Variants in PRPF3 observed in about 807,000 individuals in gnomAD.
The protein encoded by PRPF3 is pre-mRNA processing factor 3.
PRPF3 carries 3 observed loss-of-function variants against 89.2 expected under a neutral mutation model. That is an observed-to-expected ratio of 0.03 (90% confidence interval 0.02 to 0.09). The LOEUF (loss-of-function observed/expected upper bound fraction) is 0.09, where lower values mean the gene tolerates loss of function less well. Among genes scored for constraint, PRPF3 ranks in the 10% least tolerant of loss-of-function variants. PRPF3 has a pLI of 1.00. For missense variants in PRPF3, 463 were observed against 828.8 expected (o/e 0.56, Z 5.42); for synonymous variants, 270 against 289.1 (o/e 0.93, Z 0.67).
At chr1:150,344,710 C>G (rs587773562) in intron 12 of PRPF3, among the ~76,000 whole-genome samples, 163 bp downstream of exon 12, 2 of 151,758 alleles carry the variant, frequency 1.3e-5, no homozygotes, top group East Asian at 3.8e-4. Context: ...TGTAAAATAG[C>G]GAGAGTTAAT....
intron 7 of PRPF3, among the ~76,000 whole-genome samples, chr1:150,336,840 A>G (rs1657058192): frequency 6.6e-6 from 1 of 151,806 alleles, no homozygotes; most frequent in Non-Finnish European, 1.5e-5. Flanking sequence ...CATAAGTGGA[A>G]ATATTATGAA....
chr1:150,349,240 A>G (rs1202724774), intron 15 of PRPF3, 22 bp downstream of exon 15: 2 of 1,598,830 alleles, frequency 1.3e-6, no homozygotes, highest in Non-Finnish European at 1.7e-6. Flanking sequence ...TTTGTAAAAC[A>G]TTGTAAAACT....
intron 9 of PRPF3, among the ~76,000 whole-genome samples, chr1:150,342,617 G>A (rs587671736): frequency 6.6e-6 from 1 of 152,028 alleles, no homozygotes; most frequent in East Asian, 1.9e-4. Context: ...CCACCTCCCG[G>A]ATTCAAGTGA....
chr1:150,344,490 A>T lies in PRPF3; in HGVS notation c.1583A>T (p.Lys528Met). 1.2e-6 allele frequency: 2 copies of T among 1,614,220 alleles called. No individual in the cohort carries two copies. The highest frequency in any genetic ancestry group is 1.7e-6 in the Non-Finnish European group (2 of 1,180,036). Residue 528 changes from lysine (K) to methionine (M), a missense_variant, in exon 12 of 16, where the codon AAG becomes ATG. By Grantham distance (95) the Lys-to-Met change is moderately conservative. Transcript: ENST00000324862. ...CTCACAGCAGAACAGAGAAAGGTCA[A>T]GAAAATTAAAAAGCTTAAAGAAGAC... ...RKLTAEQRKV[K>M]KIKKLKEDIS...
At position 150,353,001 on chromosome 1, in the gene PRPF3, CTCCTCCCTTGCCTT is replaced by C; in HGVS notation, c.*24_*37del. 6.2e-7 allele frequency: 1 copy of C among 1,613,708 alleles called. No individual in the cohort carries two copies. ...TTGAGACTACTGCAAGCCCTTGCCT[CTCCTCCCTTGCCTT>C]TGTCTCTTCAGTCCTCTCACTTATT... On this transcript the variant is annotated 3_prime_UTR_variant, in exon 16 of 16. Transcript: ENST00000324862.
chr1:150,341,789 A>G (rs1317375390), intron 9 of PRPF3, among the ~76,000 whole-genome samples: 1 of 144,484 alleles, frequency 6.9e-6, no homozygotes, highest in Admixed American at 7.0e-5. Flanking sequence ...TGCAACTTTC[A>G]CCCCCCTGGG....
chr1:150,347,880 C>T (rs1157490735), intron 14 of PRPF3, among the ~76,000 whole-genome samples: 1 of 152,148 alleles, frequency 6.6e-6, no homozygotes, highest in East Asian at 1.9e-4. Context: ...GAGTATTTTA[C>T]TGCATATTGC....
At chr1:150,328,592 A>G (rs1378104705) in intron 4 of PRPF3, 126 bp downstream of exon 4, 1 of 1,033,762 alleles carries the variant, frequency 9.7e-7, no homozygotes, top group Non-Finnish European at 1.3e-6. Flanking sequence ...TGCTCTTGTC[A>G]CCCAGGCTGG....
intron 15 of PRPF3, 115 bp downstream of exon 15, chr1:150,349,333 TTA>T: frequency 3.5e-6 from 3 of 847,580 alleles, no homozygotes; most frequent in Non-Finnish European, 5.9e-6. Flanking sequence ...TTTAAATAAT[TTA>T]TGTTTCTTTT....
chr1:150,328,676 C>T (rs1655988174), intron 4 of PRPF3, among the ~76,000 whole-genome samples: 1 of 150,430 alleles, frequency 6.6e-6, no homozygotes, highest in Non-Finnish European at 1.5e-5. Context: ...TCTCAGCCTA[C>T]TGAGTAGCTG....
At chr1:150,351,664 CTAA>C (rs1658938924) in intron 15 of PRPF3, among the ~76,000 whole-genome samples, 1 of 99,530 alleles carries the variant, frequency 1.0e-5, no homozygotes, top group Non-Finnish European at 2.4e-5. Context: ...CTGTGCCTGG[CTAA>C]TTTTTTTTTT....
chr1:150,344,335 G>A, intron 11 of PRPF3, 74 bp downstream of exon 11: 1 of 1,613,914 alleles, frequency 6.2e-7, no homozygotes, highest in Middle Eastern at 1.6e-4. Context: ...TCCATATTTG[G>A]AGGGAGGGGA....
At chr1:150,344,573 TC>T (rs1185437375) in intron 12 of PRPF3, 26 bp downstream of exon 12, 2 of 1,610,422 alleles carry the variant, frequency 1.2e-6, no homozygotes, top group African/African-American at 1.3e-5. Context: ...GGGCCAAACT[TC>T]CCCTTAGAAT....
chr1:150,341,484 C>T (rs1235016122), intron 9 of PRPF3, among the ~76,000 whole-genome samples: 5 of 148,678 alleles, frequency 3.4e-5, no homozygotes, highest in African/African-American at 7.5e-5. Context: ...CAGCTCACCA[C>T]AACCTCTGCC....
At chr1:150,332,947 A>G in intron 5 of PRPF3, 32 bp from the exon 6 acceptor site, 1 of 1,586,362 alleles carries the variant, frequency 6.3e-7, no homozygotes, top group Non-Finnish European at 8.7e-7. Flanking sequence ...GCCTGTCTTA[A>G]TTCCTCTGAT....
chr1:150,342,343 GCA>G (rs1657839074), intron 9 of PRPF3, among the ~76,000 whole-genome samples: 1 of 151,950 alleles, frequency 6.6e-6, no homozygotes, highest in Admixed American at 6.6e-5. Context: ...TTGCGCCACT[GCA>G]CTCCAGCCTG....
intron 1 of PRPF3, among the ~76,000 whole-genome samples, chr1:150,323,177 T>TTTA (rs1655286261): frequency 1.7e-5 from 2 of 118,106 alleles, no homozygotes; most frequent in South Asian, 6.2e-4. Context: ...ACCTGGCTTT[T>TTTA]TTTTTTTTTT....
At position 150,353,199 on chromosome 1, in the gene PRPF3, G is replaced by A; in HGVS notation, c.*220G>A. 1.7e-6 allele frequency: 1 copy of A among 581,868 alleles called. No individual in the cohort carries two copies. The highest frequency in any genetic ancestry group is 3.1e-6 in the Non-Finnish European group (1 of 325,904). 36.0% of individuals were successfully genotyped at this position (581,868 alleles called of 1,614,324 possible). A position where few individuals can be genotyped will look rare whatever the true frequency, so the allele number is the denominator to read the frequency against. ...TGATTAAAGAGTTATTTTTAAACTT[G>A]GTGTGATATTTTTCACACATTCGTA... On this transcript the variant is annotated 3_prime_UTR_variant, in exon 16 of 16. Transcript: ENST00000324862.
rs782053928 is a variant in PRPF3 at position 150,346,036 on chromosome 1, C to T, written c.1659C>T (p.Asn553=). The change falls in exon 13 of 16, where the codon AAC becomes AAT. Residue 553 remains asparagine, a synonymous_variant. Coordinates refer to ENST00000324862, the MANE Select transcript of PRPF3 (RefSeq NM_004698.4). The part of the protein sequence containing the change: ...ISVYRVRNLS[N]PAKKFKIEAN... ...TCTCCAGAGTTCGAAATTTGAGCAA[C>T]CCAGCCAAGAAGTTCAAGATTGAAG... 51 of 1,613,990 alleles carry T rather than the reference C, an allele frequency of 3.2e-5. No homozygotes were observed. The highest frequency in any genetic ancestry group is 4.0e-5 in the Non-Finnish European group (47 of 1,180,028).
Sources: allele counts gnomAD v4.1 joint callset (sites outside exome capture counted in the v4.1 genomes callset), GRCh38; gene constraint gnomAD v4.1.1; transcripts MANE v1.5; gene names NCBI Gene and HGNC (gene_info 2026-07-23, HGNC 2026-07-21).